WDFY4: variants seen among roughly 807,000 people sequenced by gnomAD.
WDFY4 encodes the protein WD repeat- and FYVE domain-containing protein 4.
A neutral mutation model predicts 351.9 loss-of-function variants in WDFY4; 169 were observed. The ratio of observed to expected loss-of-function variants is 0.48; its 90% CI spans 0.42 to 0.55. The LOEUF (loss-of-function observed/expected upper bound fraction) is 0.55, where lower values mean the gene tolerates loss of function less well. WDFY4 is among the 20% of genes least tolerant of loss of function. WDFY4 has a pLI of 0.00. For synonymous variants in WDFY4, 1,622 were observed against 1,574.6 expected (o/e 1.03, Z -0.71); for missense variants, 3,803 against 3,935.6 (o/e 0.97, Z 0.90).
At chr10:48,781,572 A>G (rs571622939) in intron 19 of WDFY4, among the ~76,000 whole-genome samples, 1 of 152,312 alleles carries the variant, frequency 6.6e-6, no homozygotes, top group Admixed American at 6.5e-5. Flanking sequence ...CTGGGATAAC[A>G]GGTGTGAGCC....
At chr10:48,960,434 G>A (rs142301960) in intron 53 of WDFY4, among the ~76,000 whole-genome samples, 93 of 152,362 alleles carry the variant, frequency 6.1e-4, no homozygotes, top group African/African-American at 2.1e-3. Flanking sequence ...TGATGAAAAT[G>A]TGGAGCAACT....
In WDFY4 at chr10:48,913,750, C is replaced by T. The variant is rs138127999; in HGVS notation, c.7586+11887C>T. 387 of 1,613,734 alleles carry T rather than the reference C, an allele frequency of 2.4e-4. 3 individuals carry two copies. The highest frequency in any genetic ancestry group is 1.6e-3 in the Admixed American group (94 of 60,016). ...TTCAGGGCCCCCAGTGTGGTGGGCA[C>T]GCTGTCCAGGTGGTTCAAGCCTAGG... On this transcript the variant is annotated intron_variant, in intron 47 of 61. Transcript: ENST00000325239.
chr10:48,721,862 A>T (rs187095902), intron 4 of WDFY4, among the ~76,000 whole-genome samples: 14 of 152,240 alleles, frequency 9.2e-5, no homozygotes, highest in African/African-American at 3.4e-4. Flanking sequence ...GCTCTGAGCC[A>T]CTGTTCTTTA....
intron 40 of WDFY4, among the ~76,000 whole-genome samples, chr10:48,871,210 C>T (rs2069766002): frequency 6.6e-6 from 1 of 152,196 alleles, no homozygotes; most frequent in South Asian, 2.1e-4. Context: ...GCTGGGATTA[C>T]AGGCATGAGC....
chr10:48,767,636 G>A (rs1252594774), intron 13 of WDFY4, among the ~76,000 whole-genome samples: 5 of 152,178 alleles, frequency 3.3e-5, no homozygotes, highest in Admixed American at 3.3e-4. Flanking sequence ...GGGAGGAGAA[G>A]GGTCCCTGTC....
At chr10:48,706,545 TA>T (rs950878220) in intron 1 of WDFY4, among the ~76,000 whole-genome samples, 11 of 151,774 alleles carry the variant, frequency 7.2e-5, no homozygotes, top group South Asian at 2.1e-4. Context: ...TTATCAGGGT[TA>T]AAAAAAAGGG....
At chr10:48,756,905 T>A (rs1348914037) in intron 12 of WDFY4, among the ~76,000 whole-genome samples, 2 of 152,080 alleles carry the variant, frequency 1.3e-5, no homozygotes, top group East Asian at 3.9e-4. Context: ...TTTTTTATAC[T>A]GTGTTTTTCT....
chr10:48,828,380 T>G (rs2068074203), intron 36 of WDFY4, among the ~76,000 whole-genome samples: 1 of 152,198 alleles, frequency 6.6e-6, no homozygotes, highest in East Asian at 1.9e-4. Flanking sequence ...TTGCACAGGT[T>G]GCACGCCCAT....
intron 28 of WDFY4, among the ~76,000 whole-genome samples, chr10:48,809,355 C>T (rs1002237576): frequency 1.4e-5 from 2 of 147,896 alleles, no homozygotes; most frequent in Admixed American, 6.6e-5. Context: ...ATCATCACCA[C>T]ATTAATCACC....
At chr10:48,955,439 G>T (rs1024158159) in intron 51 of WDFY4, among the ~76,000 whole-genome samples, 5 of 152,240 alleles carry the variant, frequency 3.3e-5, no homozygotes, top group Admixed American at 1.3e-4. Context: ...TGGGTGTGTG[G>T]TAGGTTCCCC....
intron 40 of WDFY4, among the ~76,000 whole-genome samples, chr10:48,872,195 A>C (rs146992191): frequency 1.2e-3 from 177 of 152,328 alleles, no homozygotes; most frequent in East Asian, 0.011. Context: ...TACTCATTTA[A>C]AATGGCCAAG....
intron 39 of WDFY4, among the ~76,000 whole-genome samples, chr10:48,842,638 G>C (rs907313726): frequency 1.3e-5 from 2 of 152,248 alleles, no homozygotes; most frequent in African/African-American, 4.8e-5. Flanking sequence ...TGTGCAGCAA[G>C]CTCCTACCTC....
intron 47 of WDFY4, among the ~76,000 whole-genome samples, chr10:48,904,118 A>G (rs1436802801): frequency 6.6e-6 from 1 of 152,254 alleles, no homozygotes; most frequent in Non-Finnish European, 1.5e-5. Context: ...GATGACCTTC[A>G]ATAGACTAAT....
chr10:48,884,804 G>A (rs539592026), intron 43 of WDFY4, among the ~76,000 whole-genome samples: 10 of 152,048 alleles, frequency 6.6e-5, no homozygotes, highest in South Asian at 2.1e-4. Flanking sequence ...CACCGCTGCC[G>A]CCTCTTCCAT....
chr10:48,969,478 C>T (rs1230290377), intron 56 of WDFY4, among the ~76,000 whole-genome samples: 3 of 152,208 alleles, frequency 2.0e-5, no homozygotes, highest in East Asian at 3.9e-4. Context: ...ATACTGTCAC[C>T]TCCAGAGCAG....
chr10:48,777,321 G>A, intron 16 of WDFY4, 98 bp from the exon 17 acceptor site: 1 of 1,155,476 alleles, frequency 8.7e-7, no homozygotes, highest in Non-Finnish European at 1.3e-6. Flanking sequence ...AGTGCCGGCA[G>A]GAGGGTAGAG....
intron 40 of WDFY4, among the ~76,000 whole-genome samples, chr10:48,872,756 G>A (rs1466340271): frequency 6.6e-6 from 1 of 152,222 alleles, no homozygotes; most frequent in Non-Finnish European, 1.5e-5. Flanking sequence ...TCATACTGTA[G>A]TAGCAGATGT....
At chr10:48,773,882 T>G (rs1454226975) in intron 13 of WDFY4, among the ~76,000 whole-genome samples, 2 of 152,280 alleles carry the variant, frequency 1.3e-5, no homozygotes, top group South Asian at 2.1e-4. Context: ...CCAGGCAGAT[T>G]CCACCTTTTA....
rs966621272 is a variant in WDFY4, at chr10:48,806,168, AG to A, written c.4738+74del. On this transcript the variant is annotated intron_variant, in intron 27 of 61. Coordinates refer to ENST00000325239, the MANE Select transcript of WDFY4 (RefSeq NM_001394531.1). ...AACCCCTGAGAGGCCCACATTGTGC[AG>A]AGGGAGGGGCTAAGTAAGGAAGGGG... 3.1e-5 allele frequency: 45 copies of A among 1,458,420 alleles called. No individual in the cohort carries two copies. In the African/African-American group the frequency reaches 5.8e-4, roughly 19 times the overall value. The allele number at this position is 1,458,420 out of a possible 1,614,324, so 90.3% of individuals were successfully genotyped here.
Sources: gnomAD v4.1 joint callset for allele counts (sites outside exome capture counted in the v4.1 genomes callset) on GRCh38, gnomAD v4.1.1 for gene constraint, MANE v1.5 for transcripts, NCBI Gene and HGNC (gene_info 2026-07-23, HGNC 2026-07-21) for gene names.